Variants in GABPA observed in about 807,000 individuals in gnomAD.
GABPA encodes GA-binding protein alpha chain.
GABPA carries 4 observed loss-of-function variants against 59.4 expected under a neutral mutation model. The ratio of observed to expected loss-of-function variants is 0.07; its 90% confidence interval spans 0.03 to 0.15. GABPA has a LOEUF of 0.15. Among genes scored for constraint, GABPA ranks in the 10% least tolerant of loss-of-function variants. GABPA has a pLI of 1.00. For synonymous variants in GABPA, 164 were observed against 183.1 expected (o/e 0.90, Z 0.84); for missense variants, 251 against 543.8 (o/e 0.46, Z 5.36).
At chr21:25,749,939 C>T (rs1405777124) in intron 4 of GABPA, among the ~76,000 whole-genome samples, 1 of 152,186 alleles carries the variant, frequency 6.6e-6, no homozygotes, top group Non-Finnish European at 1.5e-5. Context: ...TGGATTGGGG[C>T]AGGGGAATTC....
At chr21:25,746,758 T>C (rs1347077998) in intron 3 of GABPA, among the ~76,000 whole-genome samples, 2 of 152,212 alleles carry the variant, frequency 1.3e-5, no homozygotes, top group Non-Finnish European at 2.9e-5. Flanking sequence ...TCCCATTTAA[T>C]ATCTGTTAAT....
chr21:25,741,744 T>A, intron 2 of GABPA, 69 bp downstream of exon 2: 1 of 976,942 alleles, frequency 1.0e-6, no homozygotes, highest in South Asian at 1.5e-5. Context: ...AGGAAACAAG[T>A]CATAGTTCTT....
intron 7 of GABPA, chr21:25,762,847 T>C: frequency 5.2e-6 from 1 of 193,474 alleles, no homozygotes; most frequent in Admixed American, 5.8e-5. Context: ...CAAATAGTTT[T>C]CATTTGGTGG....
rs1371211567 is a variant in GABPA at position 25,769,935 on chromosome 21, A to G, written c.*703A>G. 5 of 152,722 alleles carry G rather than the reference A, an allele frequency of 3.3e-5. No homozygotes were observed. The East Asian group carries it at 9.6e-4, about 29-fold the overall frequency. 9.5% of individuals were successfully genotyped at this position (152,722 alleles called of 1,614,324 possible). ...TCATGTCAGACCAAGAATTTAAATT[A>G]TTTTGAGAGAGGCATTTAATTCTAA... On this transcript the variant is annotated 3_prime_UTR_variant, in exon 10 of 10. Transcript: ENST00000400075.
intron 9 of GABPA, among the ~76,000 whole-genome samples, chr21:25,766,226 G>C (rs2035886647): frequency 6.6e-6 from 1 of 151,894 alleles, no homozygotes. Flanking sequence ...CTCCATCTCT[G>C]GGGAAAAGTA....
In GABPA at chr21:25,735,144, C is replaced by T. The variant is rs1472432164; in HGVS notation, c.-461C>T. 4.5e-6 allele frequency: 3 copies of T among 661,832 alleles called. No individual in the cohort carries two copies. Among genetic ancestry groups the T allele is most frequent in the East Asian group, 2.7e-5 (1 of 36,684 alleles). The allele number at this position is 661,832 out of a possible 1,614,324, so 41.0% of individuals were successfully genotyped here. On this transcript the variant is annotated 5_prime_UTR_variant, in exon 1 of 10. Coordinates refer to ENST00000400075, the MANE Select transcript of GABPA (RefSeq NM_002040.4). ...CCTAATTTGACCCGTTCTTTTTCCC[C>T]TCCTTGAAACCTTGCTCTGTACGCA...
intron 1 of GABPA, among the ~76,000 whole-genome samples, chr21:25,740,053 T>C (rs762267262): frequency 4.5e-4 from 69 of 152,172 alleles, no homozygotes; most frequent in Non-Finnish European, 2.4e-4. Context: ...GTGGTGGCTG[T>C]TGTACTGATA....
Position 25,770,173 on chromosome 21 carries a change from G to A in GABPA, c.*941G>A, listed in dbSNP as rs2035981497. 1 of 152,484 alleles carries A rather than the reference G, an allele frequency of 6.6e-6. No individual in the cohort carries two copies. Among genetic ancestry groups the A allele is most frequent in the African/African-American group, 2.4e-5 (1 of 41,428 alleles). 9.4% of individuals were successfully genotyped at this position (152,484 alleles called of 1,614,324 possible). On this transcript the variant is annotated 3_prime_UTR_variant, in exon 10 of 10. Transcript: ENST00000400075. Reference sequence around the variant, plus strand: ...TAAAATGAAGACTTTAAATCAGTCAGTAGTACTTTACCTTTCAAGGCATTA... The same window carrying A: ...TAAAATGAAGACTTTAAATCAGTCAATAGTACTTTACCTTTCAAGGCATTA...
chr21:25,735,795 G>GGGCGAGC (rs1339605087), intron 1 of GABPA: 4 of 151,342 alleles, frequency 2.6e-5, no homozygotes, highest in African/African-American at 9.7e-5. Flanking sequence ...GAGGGGCGGG[G>GGGCGAGC]GGCGAGCGGC....
chr21:25,750,222 C>T (rs539242286), intron 4 of GABPA, among the ~76,000 whole-genome samples: 1 of 152,298 alleles, frequency 6.6e-6, no homozygotes, highest in East Asian at 1.9e-4. Context: ...ACTGATCTGA[C>T]AGGAAGTGAA....
In GABPA at chr21:25,762,980, GC is replaced by G. The variant is rs201855772; in HGVS notation, c.802+616del. 200 of 382,768 alleles carry G rather than the reference GC, an allele frequency of 5.2e-4. 6 individuals are homozygous for G. The East Asian group carries it at 0.011, about 22-fold the overall frequency. The allele number at this position is 382,768 out of a possible 1,614,324, so 23.7% of individuals were successfully genotyped here. On this transcript the variant is annotated intron_variant, in intron 7 of 9. Transcript: ENST00000400075. The stretch of plus-strand genomic sequence containing the variant: ...TCGCCGCCTCCACTACTTTTGCTTG[GC>G]TTTTCCCCTTTCTTTTCTCTCGCTT...
Position 25,735,329 on chromosome 21 carries a change from T to G in GABPA, c.-276T>G. ...CTTCCTTGTACCTCGTGAGCCTCCGTTGCCTTGGGCGGTCGTTTTGCGCAC... is the reference window on the plus strand; with the variant it reads ...CTTCCTTGTACCTCGTGAGCCTCCGGTGCCTTGGGCGGTCGTTTTGCGCAC... On this transcript the variant is annotated 5_prime_UTR_variant, in exon 1 of 10. Transcript: ENST00000400075. 1 of 250,094 alleles carries G rather than the reference T, an allele frequency of 4.0e-6. No homozygotes were observed. The highest frequency in any genetic ancestry group is 7.9e-6 in the Non-Finnish European group (1 of 127,326). The allele number at this position is 250,094 out of a possible 1,614,324, so 15.5% of individuals were successfully genotyped here. A position where few individuals can be genotyped will look rare whatever the true frequency, so the allele number is the denominator to read the frequency against.
intron 2 of GABPA, 121 bp downstream of exon 2, chr21:25,741,796 TA>T: frequency 1.7e-6 from 1 of 590,388 alleles, no homozygotes; most frequent in Non-Finnish European, 2.9e-6. Context: ...TTTTAGGGAA[TA>T]ATGTATTGTT....
In GABPA at chr21:25,771,585, G is replaced by GT. The variant is rs563386312; in HGVS notation, c.*2360dup. ...TTAGGTTACAGTTATCAGAAAGGTA[G>GT]TTTTTTTCTTCTATTAAAATATAAC... On this transcript the variant is annotated 3_prime_UTR_variant, in exon 10 of 10. Transcript: ENST00000400075. The GT allele has an allele frequency of 6.6e-6, 1 of 151,648 alleles. No individual in the cohort carries two copies. The highest frequency in any genetic ancestry group is 1.9e-4 in the East Asian group (1 of 5,188). The allele number at this position is 151,648 out of a possible 1,614,324, so 9.4% of individuals were successfully genotyped here.
At chr21:25,756,054 C>G (rs1306748679) in intron 5 of GABPA, among the ~76,000 whole-genome samples, 1 of 152,178 alleles carries the variant, frequency 6.6e-6, no homozygotes, top group Non-Finnish European at 1.5e-5. Context: ...GATTTTGCAT[C>G]TTTTAAAAAT....
At position 25,770,553 on chromosome 21, in the gene GABPA, G is replaced by A. The variant is rs2035989625; in HGVS notation, c.*1321G>A. On this transcript the variant is annotated 3_prime_UTR_variant, in exon 10 of 10. Transcript: ENST00000400075. ...AATTATTACATGAGACTGGCAGATAGCTATTAATCCTCTTACAGATTTGAG... is the reference window on the plus strand; with the variant it reads ...AATTATTACATGAGACTGGCAGATAACTATTAATCCTCTTACAGATTTGAG... 1 of 152,044 alleles carries A rather than the reference G, an allele frequency of 6.6e-6. No homozygotes were observed. Among genetic ancestry groups the A allele is most frequent in the Non-Finnish European group, 1.5e-5 (1 of 67,940 alleles). 9.4% of individuals were successfully genotyped at this position (152,044 alleles called of 1,614,324 possible).
At chr21:25,758,255 T>C (rs1198943309) in intron 6 of GABPA, 51 bp downstream of exon 6, 1 of 1,317,186 alleles carries the variant, frequency 7.6e-7, no homozygotes, top group African/African-American at 1.5e-5. Context: ...TTAATTTTAT[T>C]TCCTTGTAAC....
chr21:25,766,395 A>G (rs1172399145), intron 9 of GABPA, among the ~76,000 whole-genome samples: 1 of 152,030 alleles, frequency 6.6e-6, no homozygotes, highest in African/African-American at 2.4e-5. Flanking sequence ...TTCTAAAGGG[A>G]AAGATCAATA....
chr21:25,753,875 A>T (rs868501407), intron 5 of GABPA, among the ~76,000 whole-genome samples: 1 of 152,110 alleles, frequency 6.6e-6, no homozygotes. Context: ...AGGGCTGATG[A>T]CAGAAAGGCT....
Sources: allele counts gnomAD v4.1 joint callset (sites outside exome capture counted in the v4.1 genomes callset), GRCh38; gene constraint gnomAD v4.1.1; transcripts MANE v1.5; gene names NCBI Gene and HGNC (gene_info 2026-07-23, HGNC 2026-07-21).